POLR3C: variants seen among roughly 807,000 people sequenced by gnomAD.
POLR3C encodes RNA polymerase III subunit C.
Under a neutral mutation model 65.9 loss-of-function variants are expected in POLR3C, and 44 were observed. That is an observed-to-expected ratio of 0.67 (90% CI 0.52 to 0.86). POLR3C has a LOEUF of 0.86. Ranked by LOEUF, POLR3C falls within the 40% of genes least tolerant of loss-of-function variation. POLR3C has a pLI of 0.00. For synonymous variants in POLR3C, 263 were observed against 231.6 expected (o/e 1.14, Z -1.23); for missense variants, 576 against 653.2 (o/e 0.88, Z 1.29).
In POLR3C at chr1:145,824,304, T is replaced by A. The variant is rs191629803; in HGVS notation, c.-86T>A. 1.4e-3 allele frequency: 427 copies of A among 312,048 alleles called. 10 individuals carry two copies. The East Asian group carries it at 0.019, about 14-fold the overall frequency. 19.3% of individuals were successfully genotyped at this position (312,048 alleles called of 1,614,324 possible). ...CGGCCTAGAAGGCCAGCGGGAGCCGTAGGAAGCCGTCGCGGGAAGCTCAGC... is the reference window on the plus strand; with the variant it reads ...CGGCCTAGAAGGCCAGCGGGAGCCGAAGGAAGCCGTCGCGGGAAGCTCAGC... On this transcript the variant is annotated 5_prime_UTR_variant, in exon 1 of 15. Coordinates refer to ENST00000334163, the MANE Select transcript of POLR3C (RefSeq NM_006468.8).
Position 145,825,801 on chromosome 1 carries a change from T to G in POLR3C, c.25T>G (p.Cys9Gly), listed in dbSNP as rs782156919. MTQAEIKL[C>G]SLLLQEHFGE... Reference sequence around the variant, plus strand: ...AATGACTCAAGCAGAAATTAAGCTCTGTTCTTTGTTGCTGCAAGAGCATTT... The same window carrying G: ...AATGACTCAAGCAGAAATTAAGCTCGGTTCTTTGTTGCTGCAAGAGCATTT... Residue 9 changes from cysteine (C) to glycine (G), a missense_variant, in exon 2 of 15, where the codon TGT becomes GGT. Physicochemically the swap from Cys to Gly is radical, Grantham distance 159. Transcript: ENST00000334163. 6.2e-7 allele frequency: 1 copy of G among 1,613,434 alleles called. No homozygotes were observed. Among genetic ancestry groups the G allele is most frequent in the African/African-American group, 1.3e-5 (1 of 74,910 alleles).
chr1:145,827,391 C>T (rs1356080683), intron 4 of POLR3C, among the ~76,000 whole-genome samples: 3 of 151,830 alleles, frequency 2.0e-5, no homozygotes, highest in Non-Finnish European at 2.9e-5. Flanking sequence ...CTGAGGCAGG[C>T]GAATTGCATG....
At chr1:145,825,534 G>A (rs1387242355) in intron 1 of POLR3C, among the ~76,000 whole-genome samples, 1 of 152,106 alleles carries the variant, frequency 6.6e-6, no homozygotes, top group African/African-American at 2.4e-5. Flanking sequence ...CACTAAGTCG[G>A]TATTATAAAG....
In POLR3C at chr1:145,842,399, G is replaced by A; in HGVS notation, c.1584G>A (p.Glu528=). ...TCTTCCTGCTGGAGTCTTACATTGA[G>A]TGCACCATGAAGAGACAGTGATCCA... ...ETIFLLESYI[E]CTMKRQ The change falls in exon 15 of 15, where the codon GAG becomes GAA. Residue 528 remains glutamate (E), a synonymous_variant. Transcript: ENST00000334163. 1 of 1,609,206 alleles carries A rather than the reference G, an allele frequency of 6.2e-7. No homozygotes were observed. Among genetic ancestry groups the A allele is most frequent in the Non-Finnish European group, 8.5e-7 (1 of 1,175,958 alleles).
rs1652455064 is a variant in POLR3C at position 145,843,694 on chromosome 1, C to T, written c.*1274C>T. ...GAGTAAACACTATGTACAGAGAGGC[C>T]AGAAAGGGAAAAGGGTCAGGCAGGG... is the stretch of plus-strand genomic sequence containing the variant. On this transcript the variant is annotated 3_prime_UTR_variant, in exon 15 of 15. Transcript: ENST00000334163. Among the ~76,000 whole-genome samples, 1 of 151,952 alleles carries T rather than the reference C, an allele frequency of 6.6e-6. No individual in the cohort carries two copies. The highest frequency in any genetic ancestry group is 1.5e-5 in the Non-Finnish European group (1 of 67,998).
intron 7 of POLR3C, 105 bp from the exon 8 acceptor site, chr1:145,836,389 G>T: frequency 1.4e-6 from 1 of 735,386 alleles, no homozygotes; most frequent in African/African-American, 1.7e-5. Context: ...CAAAGTGTTC[G>T]GATTACAGGC....
At chr1:145,832,132 G>A (rs1285340391) in intron 5 of POLR3C, among the ~76,000 whole-genome samples, 1 of 152,192 alleles carries the variant, frequency 6.6e-6, no homozygotes. Context: ...CTTCCAAAAG[G>A]TTAAATAAGA....
chr1:145,837,726 A>G (rs184731324), intron 10 of POLR3C, 130 bp downstream of exon 10: 118 of 749,874 alleles, frequency 1.6e-4, no homozygotes, highest in East Asian at 8.2e-4. Context: ...CTGGACTCCT[A>G]TGGATCTCAT....
At chr1:145,832,508 T>G (rs966602360) in intron 5 of POLR3C, among the ~76,000 whole-genome samples, 3 of 152,168 alleles carry the variant, frequency 2.0e-5, no homozygotes, top group Non-Finnish European at 4.4e-5. Context: ...AATATGGGCA[T>G]TAACCTTAGG....
chr1:145,841,792 C>A (rs1652313901), intron 14 of POLR3C, among the ~76,000 whole-genome samples: 2 of 150,676 alleles, frequency 1.3e-5, no homozygotes, highest in South Asian at 4.2e-4. Context: ...ATCTAGATGC[C>A]TTTACTTTTT....
chr1:145,827,870 G>A (rs1650916300), intron 4 of POLR3C, among the ~76,000 whole-genome samples: 1 of 152,022 alleles, frequency 6.6e-6, no homozygotes, highest in Admixed American at 6.5e-5. Flanking sequence ...AGCGATTGCA[G>A]TGAGCCAAGA....
intron 7 of POLR3C, among the ~76,000 whole-genome samples, chr1:145,834,873 C>T (rs959971840): frequency 2.0e-5 from 3 of 152,020 alleles, no homozygotes; most frequent in African/African-American, 7.2e-5. Flanking sequence ...GGTGCAGTGA[C>T]TCACACTTGT....
At chr1:145,828,599 G>A in intron 4 of POLR3C, 150 bp from the exon 5 acceptor site, 1 of 603,584 alleles carries the variant, frequency 1.7e-6, no homozygotes. Flanking sequence ...TCAGTTACTT[G>A]AGTTTCTTAT....
At chr1:145,835,853 G>A (rs1239218831) in intron 7 of POLR3C, among the ~76,000 whole-genome samples, 1 of 152,044 alleles carries the variant, frequency 6.6e-6, no homozygotes, top group Non-Finnish European at 1.5e-5. Context: ...GCATTACAAA[G>A]TCGTGATCCA....
At position 145,843,665 on chromosome 1, in the gene POLR3C, AG is replaced by A. The variant is rs1298467726; in HGVS notation, c.*1246del. 2.3e-4 allele frequency among the ~76,000 whole-genome samples: 35 copies of A among 152,358 alleles called. No homozygotes were observed. Among genetic ancestry groups the A allele is most frequent in the African/African-American group, 8.2e-4 (34 of 41,582 alleles). ...CAGGAAGTATTAGGGGTGCTACAGT[AG>A]AAGAGTAAACACTATGTACAGAGAG... On this transcript the variant is annotated 3_prime_UTR_variant, in exon 15 of 15. Coordinates refer to ENST00000334163, the MANE Select transcript of POLR3C (RefSeq NM_006468.8).
Position 145,839,967 on chromosome 1 carries a change from A to G in POLR3C, c.1299A>G (p.Arg433=), listed in dbSNP as rs782262008. 1 of 1,609,806 alleles carries G rather than the reference A, an allele frequency of 6.2e-7. No individual in the cohort carries two copies. Residue 433 remains arginine (R), a synonymous_variant, in exon 12 of 15, where the codon CGA becomes CGG. Transcript: ENST00000334163. ...LYTVNILSAA[R]MLLHRCYKSI... is the part of the protein sequence containing the mutation. ...CTGTGAACATCCTGTCAGCTGCCCG[A>G]ATGTTGTTGCACAGGTGCTACAAGG...
At chr1:145,831,760 G>T (rs1210033762) in intron 5 of POLR3C, among the ~76,000 whole-genome samples, 6 of 152,144 alleles carry the variant, frequency 3.9e-5, no homozygotes, top group Admixed American at 3.9e-4. Flanking sequence ...AAATGGTGTC[G>T]GCCAGGCCCA....
At chr1:145,840,867 G>T in intron 13 of POLR3C, 55 bp from the exon 14 acceptor site, 3 of 1,443,222 alleles carry the variant, frequency 2.1e-6, no homozygotes, top group Non-Finnish European at 2.9e-6. Context: ...GACACACGTG[G>T]TAAGAGAATC....
At chr1:145,827,113 A>C in intron 4 of POLR3C, 108 bp downstream of exon 4, 2 of 916,242 alleles carry the variant, frequency 2.2e-6, no homozygotes, top group Non-Finnish European at 3.5e-6. Context: ...GCTATGTGCC[A>C]GACATCGTGG....
Sources: allele counts gnomAD v4.1 joint callset (sites outside exome capture counted in the v4.1 genomes callset), GRCh38; gene constraint gnomAD v4.1.1; transcripts MANE v1.5; gene names NCBI Gene and HGNC (gene_info 2026-07-23, HGNC 2026-07-21).